Variants in GPC6 observed in about 807,000 individuals in gnomAD.
GPC6 encodes glypican-6.
GPC6 carries 14 observed loss-of-function variants against 55.2 expected under a neutral mutation model. The observed-to-expected ratio is 0.25, with a 90% CI of 0.17 to 0.40. The LOEUF is 0.40. Among genes scored for constraint, GPC6 ranks in the 10% least tolerant of loss-of-function variants. The pLI is 1.00. For missense variants in GPC6, 641 were observed against 708.5 expected, an observed-to-expected ratio of 0.90 and a Z score of 1.08; for synonymous variants, 278 against 259.6, an observed-to-expected ratio of 1.07 and a Z score of -0.68.
intron 1 of GPC6, among the ~76,000 whole-genome samples, chr13:93,499,669 C>A (rs1235023217): frequency 6.6e-6 from 1 of 152,138 alleles, no homozygotes; most frequent in Non-Finnish European, 1.5e-5. Context: ...AATAGGGAGG[C>A]GGATGCTGAG....
chr13:93,725,137 T>C (rs1195407985), intron 2 of GPC6, among the ~76,000 whole-genome samples: 1 of 152,066 alleles, frequency 6.6e-6, no homozygotes, highest in Non-Finnish European at 1.5e-5. Flanking sequence ...TAAAATTACC[T>C]TGAAGAGTAG....
At chr13:94,333,431 G>A (rs1364334251) in intron 6 of GPC6, among the ~76,000 whole-genome samples, 6 of 152,078 alleles carry the variant, frequency 3.9e-5, no homozygotes, top group Non-Finnish European at 7.3e-5. Context: ...TTCCCCTCTT[G>A]TCAAACTAAG....
chr13:93,557,308 A>G (rs1199040886), intron 2 of GPC6, among the ~76,000 whole-genome samples: 2 of 152,100 alleles, frequency 1.3e-5, no homozygotes, highest in African/African-American at 4.8e-5. Flanking sequence ...TGCTTTTTCC[A>G]TAATTGAGTT....
chr13:94,390,386 A>T (rs1181273726), intron 7 of GPC6, among the ~76,000 whole-genome samples: 1 of 152,214 alleles, frequency 6.6e-6, no homozygotes. Context: ...ATAAAGAAAT[A>T]ACTGAGAGTG....
At chr13:94,027,689 C>T (rs1264496794) in intron 3 of GPC6, 40 bp from the exon 4 acceptor site, 2 of 1,592,078 alleles carry the variant, frequency 1.3e-6, no homozygotes, top group Non-Finnish European at 1.7e-6. Context: ...CTTTATCCTT[C>T]TTATTTTTGA....
chr13:93,499,565 G>A (rs1213103190), intron 1 of GPC6, among the ~76,000 whole-genome samples: 4 of 152,146 alleles, frequency 2.6e-5, no homozygotes, highest in Non-Finnish European at 5.9e-5. Flanking sequence ...ATAGGCAATG[G>A]CATGGATTAT....
intron 4 of GPC6, among the ~76,000 whole-genome samples, chr13:94,227,276 T>C (rs548159214): frequency 6.6e-6 from 1 of 152,354 alleles, no homozygotes; most frequent in African/African-American, 2.4e-5. Context: ...ATCAGTGATT[T>C]TGAAGGCAGC....
At chr13:94,060,487 C>T (rs1422590767) in intron 4 of GPC6, among the ~76,000 whole-genome samples, 2 of 152,162 alleles carry the variant, frequency 1.3e-5, no homozygotes, top group Admixed American at 6.5e-5. Context: ...CTTAATTGTT[C>T]ATTTCACTTG....
Position 93,712,741 on chromosome 13 carries a change from C to T in GPC6, c.320-117413C>T, listed in dbSNP as rs149123804. Reference sequence around the variant, plus strand: ...TATATTAGGTGGTGTAAAATTAATACCAGTTTTTGCCATTTTTTTAAGTAT... The same window carrying T: ...TATATTAGGTGGTGTAAAATTAATATCAGTTTTTGCCATTTTTTTAAGTAT... On this transcript the variant is annotated intron_variant, in intron 2 of 8. Transcript: ENST00000377047. Among the ~76,000 whole-genome samples, 1,405 of 151,508 alleles carry T rather than the reference C, an allele frequency of 9.3e-3. 11 individuals carry two copies. The highest frequency in any genetic ancestry group is 0.017 in the Middle Eastern group (5 of 294).
At chr13:93,419,727 G>A (rs1876853229) in intron 1 of GPC6, among the ~76,000 whole-genome samples, 1 of 152,120 alleles carries the variant, frequency 6.6e-6, no homozygotes, top group African/African-American at 2.4e-5. Context: ...ATTCCTTCAT[G>A]ACAGCCATCC....
At chr13:93,578,615 A>G (rs1283609902) in intron 2 of GPC6, among the ~76,000 whole-genome samples, 3 of 145,924 alleles carry the variant, frequency 2.1e-5, no homozygotes, top group Non-Finnish European at 4.5e-5. Context: ...ATTTTTGTTT[A>G]TCTTTTCAAA....
At chr13:93,274,971 T>G (rs1346365913) in intron 1 of GPC6, among the ~76,000 whole-genome samples, 1 of 152,208 alleles carries the variant, frequency 6.6e-6, no homozygotes. Context: ...AGAAAGGATT[T>G]ATGGTTAGAC....
intron 2 of GPC6, among the ~76,000 whole-genome samples, chr13:93,718,586 C>G (rs1437883050): frequency 3.3e-5 from 5 of 152,000 alleles, no homozygotes; most frequent in African/African-American, 9.7e-5. Context: ...GTTTATTTTG[C>G]TGTACAGAAG....
chr13:94,039,174 G>A (rs1173154150), intron 4 of GPC6, among the ~76,000 whole-genome samples: 1 of 151,986 alleles, frequency 6.6e-6, no homozygotes, highest in East Asian at 1.9e-4. Flanking sequence ...TGGAGGTAAG[G>A]TTGGGCAGAA....
At chr13:93,575,364 A>G (rs757460470) in intron 2 of GPC6, among the ~76,000 whole-genome samples, 1 of 152,184 alleles carries the variant, frequency 6.6e-6, no homozygotes, top group Non-Finnish European at 1.5e-5. Context: ...TCAAGGAGAT[A>G]TTACTCCATG....
chr13:94,327,925 G>C (rs1877208742), intron 6 of GPC6, among the ~76,000 whole-genome samples: 1 of 152,136 alleles, frequency 6.6e-6, no homozygotes. Context: ...CACACCTGGA[G>C]ATGGTAAACC....
intron 4 of GPC6, among the ~76,000 whole-genome samples, chr13:94,032,713 G>A (rs533112416): frequency 1.3e-4 from 20 of 152,254 alleles, no homozygotes; most frequent in African/African-American, 3.6e-4. Context: ...CAGCAAAGCC[G>A]CTAGTATTTT....
intron 3 of GPC6, among the ~76,000 whole-genome samples, chr13:93,919,465 G>C (rs187381731): frequency 6.6e-6 from 1 of 152,280 alleles, no homozygotes; most frequent in Non-Finnish European, 1.5e-5. Context: ...ATTACACCAT[G>C]TTCCTACATC....
At chr13:94,401,927 A>ATGAT (rs60321246) in intron 8 of GPC6, among the ~76,000 whole-genome samples, 61,622 of 150,154 alleles carry the variant, frequency 0.41, 13,420 homozygotes, top group Middle Eastern at 0.5. Flanking sequence ...GCCAGACCCT[A>ATGAT]TGATTGATTG....
Sources: allele counts gnomAD v4.1 joint callset (sites outside exome capture counted in the v4.1 genomes callset), GRCh38; gene constraint gnomAD v4.1.1; transcripts MANE v1.5; gene names NCBI Gene and HGNC (gene_info 2026-07-23, HGNC 2026-07-21).